CRACD: variants seen among roughly 807,000 people sequenced by gnomAD.
CRACD encodes capping protein inhibiting regulator of actin dynamics.
A neutral mutation model predicts 106.8 loss-of-function variants in CRACD; 56 were observed. The ratio of observed to expected loss-of-function variants is 0.52; its 90% CI spans 0.42 to 0.66. CRACD has a LOEUF of 0.66. CRACD is among the 30% of genes least tolerant of loss of function. The pLI is 0.00. For missense variants in CRACD, 1,730 were observed against 1,623.2 expected (o/e 1.07, Z -1.13); for synonymous variants, 754 against 670.8 (o/e 1.12, Z -1.92).
chr4:56,285,760 C>T (rs1463237646), intron 3 of CRACD, among the ~76,000 whole-genome samples: 2 of 152,136 alleles, frequency 1.3e-5, no homozygotes, highest in Non-Finnish European at 2.9e-5. Flanking sequence ...TAGTGTTTTA[C>T]ATATCATAAA....
intron 2 of CRACD, among the ~76,000 whole-genome samples, chr4:56,192,642 A>G (rs554356682): frequency 6.6e-6 from 1 of 152,308 alleles, no homozygotes; most frequent in African/African-American, 2.4e-5. Context: ...AATATATACC[A>G]TATCATGAAA....
Position 56,316,313 on chromosome 4 carries a change from A to G in CRACD, c.2811A>G (p.Pro937=). 6.2e-7 allele frequency: 1 copy of G among 1,613,950 alleles called. No homozygotes were observed. Among genetic ancestry groups the G allele is most frequent in the Non-Finnish European group, 8.5e-7 (1 of 1,179,888 alleles). ...RSVPVAHPGP[P]PASSQTPAPE... Reference sequence around the variant, plus strand: ...TTCCTGTGGCCCACCCTGGGCCTCCACCGGCCAGCAGCCAGACCCCGGCTC... The same window carrying G: ...TTCCTGTGGCCCACCCTGGGCCTCCGCCGGCCAGCAGCCAGACCCCGGCTC... Residue 937 remains proline, a synonymous_variant, in exon 8 of 11, where the codon CCA becomes CCG. Transcript: ENST00000682029.
chr4:56,308,787 C>T, intron 5 of CRACD: 1 of 1,245,826 alleles, frequency 8.0e-7, no homozygotes, highest in Non-Finnish European at 1.0e-6. Context: ...TCTTCCCAAC[C>T]TCTCCAGTGC....
chr4:56,272,643 C>A (rs961485334), intron 3 of CRACD, among the ~76,000 whole-genome samples, 151 bp downstream of exon 3: 1 of 152,040 alleles, frequency 6.6e-6, no homozygotes, highest in Non-Finnish European at 1.5e-5. Flanking sequence ...GTAATCCCAA[C>A]GCTTTGGGAG....
intron 3 of CRACD, among the ~76,000 whole-genome samples, chr4:56,279,552 A>G (rs924787792): frequency 5.9e-5 from 9 of 152,354 alleles, no homozygotes; most frequent in Admixed American, 6.5e-5. Context: ...AATGCTCATC[A>G]TCACTGGCCA....
intron 2 of CRACD, among the ~76,000 whole-genome samples, chr4:56,204,611 G>A (rs894798693): frequency 1.3e-5 from 2 of 152,162 alleles, no homozygotes; most frequent in African/African-American, 4.8e-5. Flanking sequence ...ATTTAAACAT[G>A]AGTTTTGGAA....
intron 1 of CRACD, among the ~76,000 whole-genome samples, chr4:56,064,858 C>G (rs942597675): frequency 6.6e-6 from 1 of 152,116 alleles, no homozygotes; most frequent in Admixed American, 6.5e-5. Flanking sequence ...CACCCACAGC[C>G]CCCAAAATAC....
chr4:56,323,459 A>G lies in CRACD; in HGVS notation c.3270A>G (p.Ile1090Met). Residue 1090 changes from isoleucine (I) to methionine (M), a missense_variant, in exon 9 of 11, where the codon ATA becomes ATG. This residue lies in a region of CRACD where 1,620 missense variants were observed against 1,481.6 expected (regional missense o/e 1.09). Coordinates refer to ENST00000682029, the MANE Select transcript of CRACD (RefSeq NM_001393381.1). ...EKVETAQPLW[I>M]TLALQKQKGF... ...TGGAAACTGCTCAGCCGCTGTGGATAACGTTAGCACTGCAAAAGCAAAAGG... is the reference window on the plus strand; with the variant it reads ...TGGAAACTGCTCAGCCGCTGTGGATGACGTTAGCACTGCAAAAGCAAAAGG... The G allele has an allele frequency of 6.2e-7, 1 of 1,612,144 alleles. No individual in the cohort carries two copies. The highest frequency in any genetic ancestry group is 8.5e-7 in the Non-Finnish European group (1 of 1,179,470).
chr4:56,274,303 G>A (rs1176138058), intron 3 of CRACD, among the ~76,000 whole-genome samples: 1 of 151,788 alleles, frequency 6.6e-6, no homozygotes, highest in Non-Finnish European at 1.5e-5. Context: ...GGAACAGATA[G>A]TAAAATGAGA....
rs554275451 is a variant in CRACD, at chr4:56,313,039, G to A, written c.355-158G>A. ...AGTCAATGTCCTTTGGTTCCAAAACGGGTGTTCATTTCATTTTCTGAGGAG... is the reference window on the plus strand; with the variant it reads ...AGTCAATGTCCTTTGGTTCCAAAACAGGTGTTCATTTCATTTTCTGAGGAG... On this transcript the variant is annotated intron_variant, in intron 6 of 10. Coordinates refer to ENST00000682029, the MANE Select transcript of CRACD (RefSeq NM_001393381.1). Among the ~76,000 whole-genome samples, 5 of 152,268 alleles carry A rather than the reference G, an allele frequency of 3.3e-5. No homozygotes were observed. The South Asian group carries it at 6.2e-4, about 19-fold the overall frequency.
chr4:56,199,774 A>C (rs1210727137), intron 2 of CRACD, among the ~76,000 whole-genome samples: 1 of 151,588 alleles, frequency 6.6e-6, no homozygotes, highest in Non-Finnish European at 1.5e-5. Flanking sequence ...GTTCTGCTTT[A>C]TGCCTCACTC....
At chr4:56,184,642 G>C (rs1309586886) in intron 2 of CRACD, among the ~76,000 whole-genome samples, 1 of 152,170 alleles carries the variant, frequency 6.6e-6, no homozygotes, top group African/African-American at 2.4e-5. Flanking sequence ...TGTGAAGTTA[G>C]ACTACATGGG....
chr4:56,105,550 A>G (rs1733923617), intron 1 of CRACD, among the ~76,000 whole-genome samples: 1 of 152,180 alleles, frequency 6.6e-6, no homozygotes, highest in African/African-American at 2.4e-5. Flanking sequence ...TATGAGGGTT[A>G]ATGAGGTTTC....
chr4:56,182,851 GA>G (rs1009047545), intron 2 of CRACD, among the ~76,000 whole-genome samples: 7 of 136,798 alleles, frequency 5.1e-5, no homozygotes, highest in South Asian at 2.5e-4. Flanking sequence ...ATACAACGTA[GA>G]AAAAAAAGAT....
chr4:56,134,992 T>A (rs1734952111), intron 1 of CRACD, among the ~76,000 whole-genome samples: 1 of 152,056 alleles, frequency 6.6e-6, no homozygotes, highest in African/African-American at 2.4e-5. Context: ...AGCTGAGTTA[T>A]ATGCTTTTGG....
chr4:56,158,953 G>T (rs1233438345), intron 1 of CRACD, among the ~76,000 whole-genome samples: 2 of 151,884 alleles, frequency 1.3e-5, no homozygotes, highest in Admixed American at 1.3e-4. Flanking sequence ...GCAAGAATTG[G>T]ACTCTTTCTT....
Position 56,329,177 on chromosome 4 carries a change from A to G in CRACD, c.*1373A>G, listed in dbSNP as rs945053913. Among the ~76,000 whole-genome samples, 2 of 152,224 alleles carry G rather than the reference A, an allele frequency of 1.3e-5. No individual in the cohort carries two copies. The highest frequency in any genetic ancestry group is 4.8e-5 in the African/African-American group (2 of 41,448). ...CTTTTATTGCCCTAAATTTACATGAAACAGACATACTGGCAAACTCACATA... is the reference window on the plus strand; with the variant it reads ...CTTTTATTGCCCTAAATTTACATGAGACAGACATACTGGCAAACTCACATA... On this transcript the variant is annotated 3_prime_UTR_variant, in exon 11 of 11. Transcript: ENST00000682029.
At chr4:56,191,695 T>G (rs185010455) in intron 2 of CRACD, among the ~76,000 whole-genome samples, 2 of 152,330 alleles carry the variant, frequency 1.3e-5, no homozygotes, top group East Asian at 3.9e-4. Flanking sequence ...AGTCAGGGCG[T>G]TTGCCTCCAT....
chr4:56,228,607 CAAAAAAAAAA>C (rs35810086), intron 2 of CRACD, among the ~76,000 whole-genome samples: 3 of 101,546 alleles, frequency 3.0e-5, no homozygotes, highest in South Asian at 3.1e-4. Flanking sequence ...CCATCTCTAC[CAAAAAAAAAA>C]AAAAAAAAAA....
Sources: gnomAD v4.1 joint callset for allele counts (sites outside exome capture counted in the v4.1 genomes callset) on GRCh38, gnomAD v4.1.1 for gene constraint, gnomAD v4.1.1 regional missense constraint, MANE v1.5 for transcripts, NCBI Gene and HGNC (gene_info 2026-07-23, HGNC 2026-07-21) for gene names.